TXLNG: variants seen among roughly 807,000 people sequenced by gnomAD.
The protein encoded by TXLNG is taxilin gamma.
Under a neutral mutation model 38.8 loss-of-function variants are expected in TXLNG, and 5 were observed. The observed-to-expected ratio is 0.13, with a 90% CI of 0.07 to 0.27. TXLNG has a LOEUF of 0.27. TXLNG is among the 10% of genes least tolerant of loss of function. The pLI, the probability that TXLNG is intolerant of heterozygous loss-of-function variation, is 1.00. For synonymous variants in TXLNG, 182 were observed against 158.2 expected, an observed-to-expected ratio of 1.15 and a Z score of -1.13; for missense variants, 393 against 398.2, an observed-to-expected ratio of 0.99 and a Z score of 0.11.
intron 7 of TXLNG, among the ~76,000 whole-genome samples, chrX:16,837,058 C>T (rs1929620037): frequency 9.0e-6 from 1 of 111,631 alleles, no homozygotes; most frequent in Non-Finnish European, 1.9e-5. Context: ...TTTCCCTCAT[C>T]CTTAAATAAA....
intron 1 of TXLNG, among the ~76,000 whole-genome samples, chrX:16,817,579 T>G (rs1044928700): frequency 3.6e-5 from 4 of 111,847 alleles, no homozygotes; most frequent in Non-Finnish European, 5.6e-5. Flanking sequence ...AACAGTATTA[T>G]TCAGAAAAGG....
chrX:16,811,576 G>C (rs113365026), intron 1 of TXLNG, among the ~76,000 whole-genome samples: 3,046 of 105,210 alleles, frequency 0.029, 45 homozygotes, highest in Non-Finnish European at 0.045. Flanking sequence ...TTGAACTCTT[G>C]ACCTTGGGTG....
chrX:16,815,963 G>A (rs757658952), intron 1 of TXLNG, among the ~76,000 whole-genome samples: 7 of 111,134 alleles, frequency 6.3e-5, no homozygotes, highest in South Asian at 3.7e-4. Flanking sequence ...GATTAGAGGC[G>A]AAACTAGTAG....
chrX:16,841,557 TCCATCAAAGCGG>T lies in TXLNG; in HGVS notation c.1392_1403del (p.Ile465_Ala468del), dbSNP rs751282148. The T allele has an allele frequency of 1.1e-4, 133 of 1,209,915 alleles. No individual in the cohort carries two copies. Among genetic ancestry groups the T allele is most frequent in the East Asian group, 5.9e-4 (20 of 33,755 alleles). ...GGTGGAAGTCCTGAAAGAGCAGGTA[TCCATCAAAGCGG>T]CCATCAAAGCGGCGAACAGGGATTT... On this transcript the variant is annotated inframe_deletion, in exon 10 of 10. Coordinates refer to ENST00000380122, the MANE Select transcript of TXLNG (RefSeq NM_018360.3).
intron 1 of TXLNG, among the ~76,000 whole-genome samples, chrX:16,802,429 T>G (rs1362550432): frequency 9.1e-6 from 1 of 109,638 alleles, no homozygotes; most frequent in Admixed American, 9.8e-5. Context: ...TTTTGTATTT[T>G]TAGTAGAGGC....
At position 16,844,504 on chromosome X, in the gene TXLNG, T is replaced by C. The variant is rs1472424182; in HGVS notation, c.*2738T>C. 2 of 111,632 alleles carry C rather than the reference T, an allele frequency of 1.8e-5. No individual in the cohort carries two copies. Among genetic ancestry groups the C allele is most frequent in the African/African-American group, 6.5e-5 (2 of 30,629 alleles). The allele number at this position is 111,632 out of a possible 1,213,427, so 9.2% of individuals were successfully genotyped here. A position where few individuals can be genotyped will look rare whatever the true frequency, so the allele number is the denominator to read the frequency against. On this transcript the variant is annotated 3_prime_UTR_variant, in exon 10 of 10. Transcript: ENST00000380122. ...TGATTCTGTATAGATTAAGTAAATA[T>C]GTATGATAAACTTAACAGCTTCTGT...
chrX:16,812,016 T>G (rs1187315077), intron 1 of TXLNG, among the ~76,000 whole-genome samples: 2 of 108,923 alleles, frequency 1.8e-5, no homozygotes, highest in African/African-American at 6.7e-5. Flanking sequence ...TTTCTTTTTT[T>G]TTTTTGAGAT....
In TXLNG at chrX:16,842,764, C is replaced by G. The variant is rs936210324; in HGVS notation, c.*998C>G. The G allele has an allele frequency of 9.8e-5, 11 of 112,076 alleles. No individual in the cohort carries two copies. The highest frequency in any genetic ancestry group is 7.5e-5 in the Non-Finnish European group (4 of 53,254). 9.2% of individuals were successfully genotyped at this position (112,076 alleles called of 1,213,427 possible). A position where few individuals can be genotyped will look rare whatever the true frequency, so the allele number is the denominator to read the frequency against. Reference sequence around the variant, plus strand: ...AGGGAATTTTCATTATGGATCAGTACCAACCGAAATTGATTTTCATTTCCA... The same window carrying G: ...AGGGAATTTTCATTATGGATCAGTAGCAACCGAAATTGATTTTCATTTCCA... On this transcript the variant is annotated 3_prime_UTR_variant, in exon 10 of 10. Transcript: ENST00000380122.
chrX:16,832,481 C>A, intron 5 of TXLNG, 142 bp from the exon 6 acceptor site: 1 of 811,909 alleles, frequency 1.2e-6, no homozygotes, highest in Non-Finnish European at 1.8e-6. Flanking sequence ...TATACAGGGA[C>A]AGAGAGAGAG....
rs978887952 is a variant in TXLNG at position 16,800,800 on chromosome X, A to T, written c.102+14211A>T. Among the ~76,000 whole-genome samples, 4 of 111,152 alleles carry T rather than the reference A, an allele frequency of 3.6e-5. No individual in the cohort carries two copies. The Admixed American group carries it at 3.8e-4, about 11-fold the overall frequency. On this transcript the variant is annotated intron_variant, in intron 1 of 9. Coordinates refer to ENST00000380122, the MANE Select transcript of TXLNG (RefSeq NM_018360.3). ...TGTGGAGCAGTTCTTGGCTTCAGCA[A>T]CCTCAGACCTGATACGGTTTGGATC...
In TXLNG at chrX:16,790,928, A is replaced by C. The variant is rs191519643; in HGVS notation, c.102+4339A>C. Among the ~76,000 whole-genome samples the C allele has an allele frequency of 7.2e-5, 8 of 111,772 alleles. No homozygotes were observed. In the East Asian group the frequency reaches 2.2e-3, roughly 31 times the overall value. On this transcript the variant is annotated intron_variant, in intron 1 of 9. Coordinates refer to ENST00000380122, the MANE Select transcript of TXLNG (RefSeq NM_018360.3). ...TACTGGGTAAATCTATGGATTTTGG[A>C]GTTGGGACTCCTGGCTTTCTGCCGC... is the stretch of plus-strand genomic sequence containing the variant.
At chrX:16,829,483 C>A in intron 4 of TXLNG, 93 bp from the exon 5 acceptor site, 1 of 848,329 alleles carries the variant, frequency 1.2e-6, no homozygotes, top group Non-Finnish European at 1.6e-6. Context: ...CACGTCAGGG[C>A]AGCAACAAAT....
At chrX:16,817,908 G>A (rs1229977733) in intron 1 of TXLNG, among the ~76,000 whole-genome samples, 1 of 112,223 alleles carries the variant, frequency 8.9e-6, no homozygotes, top group African/African-American at 3.2e-5. Flanking sequence ...GGATATGGAG[G>A]CCTAGGCTTC....
intron 1 of TXLNG, among the ~76,000 whole-genome samples, chrX:16,791,416 G>C (rs1195504697): frequency 9.0e-6 from 1 of 111,525 alleles, no homozygotes. Context: ...TTTTCTAATT[G>C]TATCACCAAG....
chrX:16,843,280 G>A lies in TXLNG; in HGVS notation c.*1514G>A, dbSNP rs1046521969. On this transcript the variant is annotated 3_prime_UTR_variant, in exon 10 of 10. Coordinates refer to ENST00000380122, the MANE Select transcript of TXLNG (RefSeq NM_018360.3). ...GTAAAGTCCTGTCACATTCATGGTC[G>A]AAACTGGGTTGAAAGAATTGAAAAT... The A allele has an allele frequency of 7.1e-5, 8 of 112,044 alleles. No individual in the cohort carries two copies. The Admixed American group carries it at 7.6e-4, about 11-fold the overall frequency. The allele number at this position is 112,044 out of a possible 1,213,427, so 9.2% of individuals were successfully genotyped here.
rs1929320988 is a variant in TXLNG, at chrX:16,829,853, C to T, written c.864+83C>T. 1.1e-5 allele frequency: 11 copies of T among 995,636 alleles called. No individual in the cohort carries two copies. In the South Asian group the frequency reaches 1.7e-4, roughly 15 times the overall value. 82.1% of individuals were successfully genotyped at this position (995,636 alleles called of 1,213,427 possible). A position where few individuals can be genotyped will look rare whatever the true frequency, so the allele number is the denominator to read the frequency against. On this transcript the variant is annotated intron_variant, in intron 5 of 9. Coordinates refer to ENST00000380122, the MANE Select transcript of TXLNG (RefSeq NM_018360.3). ...CATACCTAAAGTAAAACTGCTGTCA[C>T]GGGTGTTTCAGAACTTTGCATATGC...
At chrX:16,799,724 T>G (rs1928015685) in intron 1 of TXLNG, among the ~76,000 whole-genome samples, 1 of 110,195 alleles carries the variant, frequency 9.1e-6, no homozygotes, top group Admixed American at 9.7e-5. Context: ...TGAACCGAGA[T>G]CGCGCCACTG....
intron 3 of TXLNG, 112 bp from the exon 4 acceptor site, chrX:16,827,982 A>G (rs1929231306): frequency 1.6e-6 from 1 of 621,693 alleles, no homozygotes; most frequent in Non-Finnish European, 2.3e-6. Context: ...AATATATTAA[A>G]CCATAGTATT....
rs185211232 is a variant in TXLNG, at chrX:16,813,365, C to T, written c.103-5209C>T. Among the ~76,000 whole-genome samples the T allele has an allele frequency of 3.0e-3, 332 of 110,388 alleles. 1 individual carries two copies. The highest frequency in any genetic ancestry group is 0.01 in the African/African-American group (309 of 30,357). Reference sequence around the variant, plus strand: ...AATTTTAAATGGTACCAGTGAGCTGCGCGTGGTGGCTCACGCCTGTAATCC... The same window carrying T: ...AATTTTAAATGGTACCAGTGAGCTGTGCGTGGTGGCTCACGCCTGTAATCC... On this transcript the variant is annotated intron_variant, in intron 1 of 9. Coordinates refer to ENST00000380122, the MANE Select transcript of TXLNG (RefSeq NM_018360.3).
Sources: allele counts gnomAD v4.1 joint callset (sites outside exome capture counted in the v4.1 genomes callset), GRCh38; gene constraint gnomAD v4.1.1; transcripts MANE v1.5; gene names NCBI Gene and HGNC (gene_info 2026-07-23, HGNC 2026-07-21).